Variants in HNRNPU observed in about 807,000 individuals in gnomAD.
The protein encoded by HNRNPU is heterogeneous nuclear ribonucleoprotein U.
In HNRNPU, 5 loss-of-function variants were observed where a neutral mutation model predicts 94.7. The observed-to-expected ratio is 0.05, with a 90% CI of 0.03 to 0.11. The LOEUF is 0.11. Among genes scored for constraint, HNRNPU ranks in the 10% least tolerant of loss-of-function variants. The pLI, the probability that HNRNPU is intolerant of heterozygous loss-of-function variation, is 1.00. For missense variants in HNRNPU, 710 were observed against 1,049.2 expected, an observed-to-expected ratio of 0.68 and a Z score of 4.47; for synonymous variants, 434 against 381.6, an observed-to-expected ratio of 1.14 and a Z score of -1.60.
chr1:244,862,774 CA>C (rs767003142), intron 1 of HNRNPU, 44 bp from the exon 2 acceptor site: 2 of 1,438,198 alleles, frequency 1.4e-6, no homozygotes, highest in Non-Finnish European at 1.9e-6. Flanking sequence ...CTCTAAACAA[CA>C]AAAAAACGCT....
chr1:244,863,245 ATGTGCCCGCACCGCGCGCACGCAGCG>A (rs1680894901), intron 1 of HNRNPU: 1 of 169,962 alleles, frequency 5.9e-6, no homozygotes, highest in Non-Finnish European at 1.2e-5. Flanking sequence ...CCCCCGAGAC[ATGTGCCCGCACCGCGCGCACGCAGCG>A]CGACGGCGCC....
Position 244,864,209 on chromosome 1 carries a change from C to T in HNRNPU, c.99G>A (p.Glu33=). The change falls in exon 1 of 14, where the codon GAG becomes GAA. Residue 33 remains glutamate, a synonymous_variant. Transcript: ENST00000640218. ...GCGCAGCCTGGAGTCGCTCCATGAG[C>T]TCGGCCTTGAGACCCTTGTCAGAAA... ...RRLSDKGLKA[E]LMERLQAALD... The T allele has an allele frequency of 6.2e-7, 1 of 1,611,916 alleles. No homozygotes were observed. Among genetic ancestry groups the T allele is most frequent in the African/African-American group, 1.3e-5 (1 of 75,012 alleles).
chr1:244,855,617 C>G lies in HNRNPU; in HGVS notation c.2168-9G>C. On this transcript the variant is annotated splice_polypyrimidine_tract_variant and intron_variant, in intron 11 of 13. Coordinates refer to ENST00000640218, the MANE Select transcript of HNRNPU (RefSeq NM_031844.3). The stretch of plus-strand genomic sequence containing the variant: ...GCCACGATTCCCAGGGGCTAAAAGA[C>G]AAGAGCTGTTTTAGTTTCATTGTAT... 6.2e-7 allele frequency: 1 copy of G among 1,613,636 alleles called. No individual in the cohort carries two copies. The highest frequency in any genetic ancestry group is 8.5e-7 in the Non-Finnish European group (1 of 1,179,666).
chr1:244,854,403 T>C lies in HNRNPU; in HGVS notation c.*47A>G. The C allele has an allele frequency of 7.9e-7, 1 of 1,265,582 alleles. No homozygotes were observed. The highest frequency in any genetic ancestry group is 2.3e-5 in the East Asian group (1 of 42,912). The allele number at this position is 1,265,582 out of a possible 1,614,324, so 78.4% of individuals were successfully genotyped here. On this transcript the variant is annotated 3_prime_UTR_variant, in exon 14 of 14. Transcript: ENST00000640218. ...CTACTAAAGAAAACAGTCGACTTCTTGTGAAGGTTTTGGAGAAATATGTAT... is the reference window on the plus strand; with the variant it reads ...CTACTAAAGAAAACAGTCGACTTCTCGTGAAGGTTTTGGAGAAATATGTAT...
Position 244,864,287 on chromosome 1 carries a change from A to G in HNRNPU, c.21T>C (p.Asn7=), listed in dbSNP as rs1429210472. Residue 7 remains asparagine (N), a synonymous_variant, in exon 1 of 14, where the codon AAT becomes AAC. Transcript: ENST00000640218. ...GCTCCGACACCTTCAGCTTTTTTAC[A>G]TTAACAGGCGAGGAACTCATGGTGA... MSSSPV[N]VKKLKVSELK... 2.5e-6 allele frequency: 4 copies of G among 1,613,050 alleles called. No homozygotes were observed. Among genetic ancestry groups the G allele is most frequent in the South Asian group, 1.1e-5 (1 of 91,080 alleles).
At chr1:244,860,644 G>A (rs766429876) in intron 3 of HNRNPU, 170 bp from the exon 4 acceptor site, 1 of 600,808 alleles carries the variant, frequency 1.7e-6, no homozygotes, top group Non-Finnish European at 3.0e-6. Flanking sequence ...CTCCCACCAA[G>A]TCACTCCTGT....
intron 7 of HNRNPU, 23 bp downstream of exon 7, chr1:244,857,988 T>C (rs987478118): frequency 3.2e-6 from 5 of 1,561,054 alleles, no homozygotes; most frequent in South Asian, 1.2e-5. Flanking sequence ...AATGCCACAG[T>C]TAAAAAAAAA....
chr1:244,854,284 T>G lies in HNRNPU; in HGVS notation c.*166A>C. ...TTCACTTTTAAACTGCAATTAAAAA[T>G]GTACAAAAAAGAAAAGAAAAAAAAT... On this transcript the variant is annotated 3_prime_UTR_variant, in exon 14 of 14. Transcript: ENST00000640218. The G allele has an allele frequency of 1.6e-6, 1 of 629,288 alleles. No individual in the cohort carries two copies. 39.0% of individuals were successfully genotyped at this position (629,288 alleles called of 1,614,324 possible).
rs1017685365 is a variant in HNRNPU at position 244,856,955 on chromosome 1, T to A, written c.1615-99A>T. Reference sequence around the variant, plus strand: ...TATCTATATGTAAAGCAGGCAACATTTTATAATTTAAATATTACCTTTGTC... The same window carrying A: ...TATCTATATGTAAAGCAGGCAACATATTATAATTTAAATATTACCTTTGTC... On this transcript the variant is annotated intron_variant, in intron 8 of 13. Transcript: ENST00000640218. 7.1e-6 allele frequency: 7 copies of A among 986,368 alleles called. No individual in the cohort carries two copies. In the Admixed American group the frequency reaches 1.5e-4, roughly 21 times the overall value. The allele number at this position is 986,368 out of a possible 1,614,324, so 61.1% of individuals were successfully genotyped here. A position where few individuals can be genotyped will look rare whatever the true frequency, so the allele number is the denominator to read the frequency against.
chr1:244,862,024 T>C (rs1423365045), intron 3 of HNRNPU: 2 of 153,770 alleles, frequency 1.3e-5, no homozygotes, highest in African/African-American at 4.8e-5. Context: ...TACAATCTTT[T>C]AAAATAGGGA....
intron 4 of HNRNPU, chr1:244,860,019 G>C (rs1316253465): frequency 4.1e-6 from 1 of 241,172 alleles, no homozygotes; most frequent in African/African-American, 2.3e-5. Flanking sequence ...GAAAAAAAAA[G>C]GCTGGGCACA....
In HNRNPU at chr1:244,856,494, C is replaced by A; in HGVS notation, c.1875G>T (p.Gly625=). ...GGACCGCATGTTCTGGTAGGTCTTTCCCCTCTACTTCTGCTTTCTTCTGTG... is the reference window on the plus strand; with the variant it reads ...GGACCGCATGTTCTGGTAGGTCTTTACCCTCTACTTCTGCTTTCTTCTGTG... ...QRTQKKAEVE[G]KDLPEHAVLK... The change falls in exon 10 of 14, where the codon GGG becomes GGT. Residue 625 remains glycine, a synonymous_variant. Transcript: ENST00000640218. The A allele has an allele frequency of 6.2e-7, 1 of 1,613,908 alleles. No individual in the cohort carries two copies. The highest frequency in any genetic ancestry group is 1.1e-5 in the South Asian group (1 of 91,048).
chr1:244,860,745 T>A, intron 3 of HNRNPU: 1 of 517,250 alleles, frequency 1.9e-6, no homozygotes, highest in South Asian at 2.8e-5. Flanking sequence ...CAAGACAATG[T>A]GACATTAATA....
At chr1:244,857,792 C>G (rs114369147) in intron 7 of HNRNPU, 75 bp from the exon 8 acceptor site, 1 of 1,518,622 alleles carries the variant, frequency 6.6e-7, no homozygotes. Context: ...TTGTTAAGGC[C>G]AATTTAAATA....
rs1224092994 is a variant in HNRNPU, at chr1:244,853,809, T to C, written c.*641A>G. On this transcript the variant is annotated 3_prime_UTR_variant, in exon 14 of 14. Transcript: ENST00000640218. The stretch of plus-strand genomic sequence containing the variant: ...CAAGTTTTACATTTTTAACAGCCCT[T>C]CTACATACACTCCATCTTCTCTATC... 3.3e-5 allele frequency: 5 copies of C among 152,802 alleles called. No homozygotes were observed. Among genetic ancestry groups the C allele is most frequent in the Non-Finnish European group, 5.9e-5 (4 of 68,022 alleles). The allele number at this position is 152,802 out of a possible 1,614,324, so 9.5% of individuals were successfully genotyped here. A position where few individuals can be genotyped will look rare whatever the true frequency, so the allele number is the denominator to read the frequency against.
At chr1:244,859,872 G>A (rs1408394322) in intron 4 of HNRNPU, 1 of 156,790 alleles carries the variant, frequency 6.4e-6, no homozygotes, top group Non-Finnish European at 1.4e-5. Flanking sequence ...TCAAAAATAA[G>A]TACCTTTGAT....
intron 13 of HNRNPU, 40 bp downstream of exon 13, chr1:244,854,933 A>C: frequency 6.9e-7 from 1 of 1,440,940 alleles, no homozygotes; most frequent in Non-Finnish European, 9.8e-7. Context: ...GGAACTCAAA[A>C]TACAATTAAT....
chr1:244,855,253 G>A (rs1558185795), intron 12 of HNRNPU, 171 bp downstream of exon 12: 2 of 774,272 alleles, frequency 2.6e-6, no homozygotes, highest in South Asian at 3.4e-5. Flanking sequence ...TAGTACACCT[G>A]AAAAAACTCA....
rs373873509 is a variant in HNRNPU at position 244,858,129 on chromosome 1, A to T, written c.1376T>A (p.Phe459Tyr). The T allele has an allele frequency of 6.2e-7, 1 of 1,614,198 alleles. No individual in the cohort carries two copies. The highest frequency in any genetic ancestry group is 1.3e-5 in the African/African-American group (1 of 75,038). ...LCHNCAVEFN[F>Y]GQKEKPYFPI... is the part of the protein sequence containing the mutation. Reference sequence around the variant, plus strand: ...AAAATATGGCTTTTCCTTCTGACCAAAATTAAATTCAACTGCACAGTTGTG... The same window carrying T: ...AAAATATGGCTTTTCCTTCTGACCATAATTAAATTCAACTGCACAGTTGTG... The change falls in exon 7 of 14, where the codon TTT becomes TAT. Residue 459 changes from phenylalanine (F) to tyrosine (Y), a missense_variant. By Grantham distance (22) the Phe-to-Tyr change is conservative (BLOSUM62 3). Coordinates refer to ENST00000640218, the MANE Select transcript of HNRNPU (RefSeq NM_031844.3).
Sources: gnomAD v4.1 joint callset for allele counts on GRCh38, gnomAD v4.1.1 for gene constraint, MANE v1.5 for transcripts, NCBI Gene and HGNC (gene_info 2026-07-23, HGNC 2026-07-21) for gene names.